IKZF3: variants seen among roughly 807,000 people sequenced by gnomAD.
IKZF3 encodes the protein IKAROS family zinc finger 3.
A neutral mutation model predicts 49.0 loss-of-function variants in IKZF3; 10 were observed. That is an observed-to-expected ratio of 0.20 (90% confidence interval 0.13 to 0.35). The LOEUF is 0.35. Ranked by LOEUF, IKZF3 falls within the 10% of genes least tolerant of loss-of-function variation. IKZF3 has a pLI of 1.00. For missense variants in IKZF3, 498 were observed against 664.8 expected (o/e 0.75, Z 2.76); for synonymous variants, 209 against 228.2 (o/e 0.92, Z 0.76).
At position 39,757,770 on chromosome 17, in the gene IKZF3, A is replaced by G. The variant is rs937330987; in HGVS notation, c.*8020T>C. On this transcript the variant is annotated 3_prime_UTR_variant, in exon 8 of 8. Coordinates refer to ENST00000346872, the MANE Select transcript of IKZF3 (RefSeq NM_012481.5). ...TTTCAGTGTAAAAATCAAACATGAT[A>G]AACCTAGAAAACTATCAGCAGGGCT... 1 of 152,224 alleles carries G rather than the reference A, an allele frequency of 6.6e-6. No individual in the cohort carries two copies. Among genetic ancestry groups the G allele is most frequent in the Non-Finnish European group, 1.5e-5 (1 of 68,038 alleles). The allele number at this position is 152,224 out of a possible 1,614,324, so 9.4% of individuals were successfully genotyped here.
At chr17:39,815,613 C>T (rs1349651902) in intron 3 of IKZF3, among the ~76,000 whole-genome samples, 2 of 152,058 alleles carry the variant, frequency 1.3e-5, no homozygotes, top group African/African-American at 4.8e-5. Flanking sequence ...GTAGAAGGTC[C>T]CAAATCTTTT....
chr17:39,776,041 G>A (rs2143696405), intron 7 of IKZF3, among the ~76,000 whole-genome samples: 1 of 152,058 alleles, frequency 6.6e-6, no homozygotes, highest in South Asian at 2.1e-4. Flanking sequence ...TAGAGTCAAA[G>A]CTTTCTCCAG....
intron 7 of IKZF3, among the ~76,000 whole-genome samples, chr17:39,769,138 G>C (rs2060370946): frequency 6.6e-6 from 1 of 152,142 alleles, no homozygotes; most frequent in Non-Finnish European, 1.5e-5. Flanking sequence ...CTACATTTGG[G>C]GAAACACTGA....
intron 3 of IKZF3, among the ~76,000 whole-genome samples, chr17:39,799,837 GA>G (rs960335575): frequency 6.6e-6 from 1 of 151,754 alleles, no homozygotes; most frequent in African/African-American, 2.4e-5. Flanking sequence ...CCCTTAACTA[GA>G]AAAAAAATTA....
At chr17:39,793,260 G>A (rs979033226) in intron 3 of IKZF3, among the ~76,000 whole-genome samples, 2 of 152,162 alleles carry the variant, frequency 1.3e-5, no homozygotes, top group South Asian at 2.1e-4. Context: ...CCAGTACTAG[G>A]GGAGAGGAAG....
chr17:39,766,539 CAG>C (rs765441564), intron 7 of IKZF3, 46 bp from the exon 8 acceptor site: 2 of 1,477,978 alleles, frequency 1.4e-6, no homozygotes, highest in Non-Finnish European at 1.8e-6. Context: ...ACTGCCAAGG[CAG>C]AGAGTTTGTA....
chr17:39,830,808 G>A (rs1325426268), intron 2 of IKZF3, among the ~76,000 whole-genome samples: 1 of 152,208 alleles, frequency 6.6e-6, no homozygotes, highest in Non-Finnish European at 1.5e-5. Flanking sequence ...TAGAAGCTCT[G>A]CAGTGGCACT....
Position 39,864,212 on chromosome 17 carries a change from C to G in IKZF3, c.-86G>C. 6.7e-7 allele frequency: 1 copy of G among 1,497,472 alleles called. No individual in the cohort carries two copies. The allele number at this position is 1,497,472 out of a possible 1,614,324, so 92.8% of individuals were successfully genotyped here. A position where few individuals can be genotyped will look rare whatever the true frequency, so the allele number is the denominator to read the frequency against. ...GCCGTCGCCTGGACTCAGCGCGCAG[C>G]TGGCGGGAGATTCCCGGCGCGGGGA... is the stretch of plus-strand genomic sequence containing the variant. On this transcript the variant is annotated 5_prime_UTR_variant, in exon 1 of 8. Coordinates refer to ENST00000346872, the MANE Select transcript of IKZF3 (RefSeq NM_012481.5).
chr17:39,769,630 G>C (rs1260977789), intron 7 of IKZF3, among the ~76,000 whole-genome samples: 2 of 152,156 alleles, frequency 1.3e-5, no homozygotes, highest in Non-Finnish European at 2.9e-5. Context: ...ACACAGAAAT[G>C]ATGAACTTCG....
At chr17:39,850,543 T>TAGTA (rs1221013704) in intron 1 of IKZF3, among the ~76,000 whole-genome samples, 6 of 117,732 alleles carry the variant, frequency 5.1e-5, no homozygotes, top group African/African-American at 2.2e-4. Context: ...CATGTACATA[T>TAGTA]TATAGCATAT....
At chr17:39,852,484 C>A (rs757966967) in intron 1 of IKZF3, among the ~76,000 whole-genome samples, 2 of 152,184 alleles carry the variant, frequency 1.3e-5, no homozygotes, top group Non-Finnish European at 2.9e-5. Flanking sequence ...CCCACTCCTT[C>A]ATGAAATACT....
chr17:39,858,640 A>G (rs1166156271), intron 1 of IKZF3, among the ~76,000 whole-genome samples: 5 of 151,946 alleles, frequency 3.3e-5, no homozygotes, highest in African/African-American at 1.2e-4. Context: ...CCTCCCGAGT[A>G]GCTGGGACTA....
At chr17:39,785,969 T>C (rs929112723) in intron 6 of IKZF3, among the ~76,000 whole-genome samples, 2 of 152,202 alleles carry the variant, frequency 1.3e-5, no homozygotes, top group African/African-American at 4.8e-5. Flanking sequence ...GGCCACATAT[T>C]GTATGATTCC....
At chr17:39,788,091 T>C (rs1269346383) in intron 6 of IKZF3, among the ~76,000 whole-genome samples, 167 bp downstream of exon 6, 1 of 152,262 alleles carries the variant, frequency 6.6e-6, no homozygotes, top group South Asian at 2.1e-4. Flanking sequence ...TTTTTCTCAA[T>C]AGCACTTACC....
intron 3 of IKZF3, among the ~76,000 whole-genome samples, chr17:39,796,737 G>A (rs1380291769): frequency 1.3e-5 from 2 of 149,190 alleles, no homozygotes; most frequent in East Asian, 2.0e-4. Context: ...TAGTAGAGAC[G>A]GGGTTTCACC....
chr17:39,776,850 G>C (rs2060603055), intron 7 of IKZF3, among the ~76,000 whole-genome samples: 1 of 152,210 alleles, frequency 6.6e-6, no homozygotes, highest in Admixed American at 6.5e-5. Flanking sequence ...AAATATTACT[G>C]ATGTTGAGGG....
At chr17:39,850,754 CTATATATTATATATAA>C (rs1385499318) in intron 1 of IKZF3, among the ~76,000 whole-genome samples, 2 of 74,714 alleles carry the variant, frequency 2.7e-5, no homozygotes, top group Non-Finnish European at 2.4e-5. Context: ...AGTATATATA[CTATATATTATATATAA>C]TATATAGTAT....
At chr17:39,803,191 A>C (rs536947211) in intron 3 of IKZF3, among the ~76,000 whole-genome samples, 117 of 152,298 alleles carry the variant, frequency 7.7e-4, no homozygotes, top group Non-Finnish European at 1.4e-3. Context: ...TGAGGACTGA[A>C]GGCCATGATG....
At chr17:39,856,025 A>C (rs984913707) in intron 1 of IKZF3, among the ~76,000 whole-genome samples, 1 of 134,134 alleles carries the variant, frequency 7.5e-6, no homozygotes. Context: ...TATATTGTAT[A>C]TGTACAATAT....
Sources: gnomAD v4.1 joint callset for allele counts (sites outside exome capture counted in the v4.1 genomes callset) on GRCh38, gnomAD v4.1.1 for gene constraint, MANE v1.5 for transcripts, NCBI Gene and HGNC (gene_info 2026-07-23, HGNC 2026-07-21) for gene names.